The following VPS13B variants were observed in gnomAD, a reference collection of about 807,000 sequenced individuals.
VPS13B encodes the protein intermembrane lipid transfer protein VPS13B.
In VPS13B, 285 loss-of-function variants were observed where a neutral mutation model predicts 426.4. The observed-to-expected ratio is 0.67, with a 90% CI of 0.61 to 0.74. The LOEUF (loss-of-function observed/expected upper bound fraction) is 0.74, where lower values mean the gene tolerates loss of function less well. Ranked by LOEUF, VPS13B falls within the 30% of genes least tolerant of loss-of-function variation. The probability of loss-of-function intolerance (pLI) is 0.00; values close to 1 mark genes in which losing one functional copy is unlikely to be tolerated. For synonymous variants in VPS13B, 1,676 were observed against 1,676.4 expected, an observed-to-expected ratio of 1.00 and a Z score of 0.01; for missense variants, 4,537 against 4,782.6, an observed-to-expected ratio of 0.95 and a Z score of 1.51.
intron 2 of VPS13B, among the ~76,000 whole-genome samples, chr8:99,028,398 C>T (rs1454273221): frequency 2.7e-5 from 4 of 149,334 alleles, no homozygotes; most frequent in African/African-American, 9.8e-5. Flanking sequence ...GGGCTGACCC[C>T]CCCCACCTCC....
chr8:99,742,305 A>C (rs1416776781), intron 39 of VPS13B, among the ~76,000 whole-genome samples: 1 of 152,196 alleles, frequency 6.6e-6, no homozygotes, highest in Non-Finnish European at 1.5e-5. Context: ...TAGACCAATA[A>C]CAGGCTCTGA....
chr8:99,742,741 T>A (rs150212508), intron 39 of VPS13B, among the ~76,000 whole-genome samples: 21 of 152,252 alleles, frequency 1.4e-4, no homozygotes, highest in African/African-American at 5.1e-4. Context: ...ATTATCTCAA[T>A]AGATGCAGAA....
intron 16 of VPS13B, among the ~76,000 whole-genome samples, chr8:99,186,469 T>C (rs1813226752): frequency 6.6e-6 from 1 of 152,092 alleles, no homozygotes; most frequent in African/African-American, 2.4e-5. Context: ...GAATTGGTAA[T>C]AGATACATTG....
At chr8:99,428,893 A>G (rs965669292) in intron 21 of VPS13B, among the ~76,000 whole-genome samples, 30 of 152,172 alleles carry the variant, frequency 2.0e-4, no homozygotes, top group African/African-American at 6.8e-4. Context: ...ATGTCCAACA[A>G]TGATAGACTG....
At chr8:99,490,448 A>G (rs1258557174) in intron 25 of VPS13B, among the ~76,000 whole-genome samples, 1 of 152,028 alleles carries the variant, frequency 6.6e-6, no homozygotes, top group Non-Finnish European at 1.5e-5. Context: ...CTCTTCTTCT[A>G]TTGATTGGAA....
At chr8:99,843,931 A>T (rs148169481) in intron 54 of VPS13B, among the ~76,000 whole-genome samples, 1 of 152,212 alleles carries the variant, frequency 6.6e-6, no homozygotes, top group Non-Finnish European at 1.5e-5. Context: ...AACCATATTC[A>T]TGGTCCTTAA....
At chr8:99,520,718 CAG>C (rs1364515386) in intron 29 of VPS13B, among the ~76,000 whole-genome samples, 179 bp from the exon 30 acceptor site, 2 of 148,218 alleles carry the variant, frequency 1.3e-5, no homozygotes, top group African/African-American at 2.5e-5. Context: ...TGGGTATTAA[CAG>C]AGTTAAGAAA....
chr8:99,136,655 T>G lies in VPS13B; in HGVS notation c.1564-10T>G. The G allele has an allele frequency of 6.2e-7, 1 of 1,613,438 alleles. No individual in the cohort carries two copies. The highest frequency in any genetic ancestry group is 8.5e-7 in the Non-Finnish European group (1 of 1,179,518). ...CAATGTTTATTCTGTTTGCATTGCT[T>G]TGTTGGCAGGAGACATACACTGAGA... is the stretch of plus-strand genomic sequence containing the variant. On this transcript the variant is annotated splice_polypyrimidine_tract_variant and intron_variant, in intron 11 of 61. Coordinates refer to ENST00000357162, the MANE Select transcript of VPS13B (RefSeq NM_152564.5).
intron 30 of VPS13B, among the ~76,000 whole-genome samples, chr8:99,549,340 T>C (rs1215703666): frequency 6.6e-6 from 1 of 152,156 alleles, no homozygotes; most frequent in Non-Finnish European, 1.5e-5. Context: ...AGAATCCTAG[T>C]ACGTGCTTTA....
intron 17 of VPS13B, chr8:99,233,256 A>G: frequency 8.3e-7 from 1 of 1,207,046 alleles, no homozygotes; most frequent in Non-Finnish European, 1.2e-6. Context: ...GTTCATTCAC[A>G]GTCTTGCCAC....
chr8:99,724,274 A>T (rs1374846490), intron 39 of VPS13B, among the ~76,000 whole-genome samples: 1 of 152,166 alleles, frequency 6.6e-6, no homozygotes. Context: ...TCAATCCTTC[A>T]GTCTAGCAGG....
At position 99,294,141 on chromosome 8, in the gene VPS13B, A is replaced by G. The variant is rs1482096348; in HGVS notation, c.2824+18887A>G. Among the ~76,000 whole-genome samples, 2 of 68,874 alleles carry G rather than the reference A, an allele frequency of 2.9e-5. 1 individual carries two copies. Among genetic ancestry groups the G allele is most frequent in the Non-Finnish European group, 6.3e-5 (2 of 31,516 alleles). The allele number at this position is 68,874 out of a possible 152,430, so 45.2% of individuals were successfully genotyped here. A position where few individuals can be genotyped will look rare whatever the true frequency, so the allele number is the denominator to read the frequency against. On this transcript the variant is annotated intron_variant, in intron 19 of 61. Transcript: ENST00000357162. The stretch of plus-strand genomic sequence containing the variant: ...AATAGCAAAGACTTGGAACCAACCC[A>G]AATGTCCAACAATGATAGACTGGAT...
rs968216217 is a variant in VPS13B at position 99,627,501 on chromosome 8, C to T, written c.5221-14310C>T. ...TGCAATCTCAGCTCACTGCAACCTC[C>T]ACCTCCCAAGTAGCTGAGATTACAG... On this transcript the variant is annotated intron_variant, in intron 33 of 61. Transcript: ENST00000357162. Among the ~76,000 whole-genome samples the T allele has an allele frequency of 1.1e-3, 164 of 152,186 alleles. 1 individual carries two copies. Among genetic ancestry groups the T allele is most frequent in the Non-Finnish European group, 5.7e-4 (39 of 68,006 alleles).
chr8:99,729,369 CA>C (rs1833493855), intron 39 of VPS13B, among the ~76,000 whole-genome samples: 1 of 152,176 alleles, frequency 6.6e-6, no homozygotes, highest in Non-Finnish European at 1.5e-5. Flanking sequence ...CTCTGCACAT[CA>C]AAGGCTATCT....
chr8:99,856,022 T>TC (rs1352670240), intron 56 of VPS13B, among the ~76,000 whole-genome samples: 1 of 152,160 alleles, frequency 6.6e-6, no homozygotes, highest in East Asian at 1.9e-4. Context: ...GGACGAAGGC[T>TC]CCCATTCAGT....
Position 99,507,217 on chromosome 8 carries a change from A to G in VPS13B, c.4224+14A>G. The G allele has an allele frequency of 6.2e-7, 1 of 1,613,200 alleles. No homozygotes were observed. Among genetic ancestry groups the G allele is most frequent in the South Asian group, 1.1e-5 (1 of 91,066 alleles). ...GAAAAATCTGTGGTGAGACCCATTT[A>G]GTTACTATGATTTTTGAAAATGTAC... is the stretch of plus-strand genomic sequence containing the variant. On this transcript the variant is annotated intron_variant, in intron 28 of 61. Transcript: ENST00000357162.
chr8:99,778,684 G>A lies in VPS13B; in HGVS notation c.7432G>A (p.Ala2478Thr), dbSNP rs765110503. 1 of 1,613,620 alleles carries A rather than the reference G, an allele frequency of 6.2e-7. No homozygotes were observed. The highest frequency in any genetic ancestry group is 2.2e-5 in the East Asian group (1 of 44,832). The change falls in exon 42 of 62, where the codon GCA (alanine) becomes ACA (threonine). Residue 2478 changes from alanine (A) to threonine (T), a missense_variant and splice_region_variant. Physicochemically the swap from Ala to Thr is moderately conservative, Grantham distance 58 (BLOSUM62 0). This residue lies in a region of VPS13B where 4,311 missense variants were observed against 4,474.3 expected (regional missense o/e 0.96). Transcript: ENST00000357162. The part of the protein sequence containing the change: ...CHHLDQLGTA[A>T]PQYLQPFVSD... The stretch of plus-strand genomic sequence containing the variant: ...TTCCTTGTTTGTTTTCTCAACAGCT[G>A]CACCACAGTACCTACAGCCATTTGT...
At chr8:99,525,161 G>T (rs1206304265) in intron 30 of VPS13B, among the ~76,000 whole-genome samples, 1 of 152,142 alleles carries the variant, frequency 6.6e-6, no homozygotes, top group African/African-American at 2.4e-5. Flanking sequence ...TATAATTGTG[G>T]TATGTGAACT....
At chr8:99,791,597 C>T (rs933198533) in intron 43 of VPS13B, among the ~76,000 whole-genome samples, 2 of 151,704 alleles carry the variant, frequency 1.3e-5, no homozygotes, top group Non-Finnish European at 2.9e-5. Flanking sequence ...GTCACTGCTG[C>T]GTAGTGCAGG....
Sources: allele counts gnomAD v4.1 joint callset (sites outside exome capture counted in the v4.1 genomes callset), GRCh38; gene constraint gnomAD v4.1.1; regional missense constraint gnomAD v4.1.1; transcripts MANE v1.5; gene names NCBI Gene and HGNC (gene_info 2026-07-23, HGNC 2026-07-21).